ROBO1: variants seen among roughly 807,000 people sequenced by gnomAD.
The protein encoded by ROBO1 is roundabout homolog 1.
In ROBO1, 149 loss-of-function variants were observed where a neutral mutation model predicts 195.9. That is an observed-to-expected ratio of 0.76 (90% confidence interval 0.67 to 0.87). The LOEUF (loss-of-function observed/expected upper bound fraction) is 0.87. Among genes scored for constraint, ROBO1 ranks in the 40% least tolerant of loss-of-function variants. The pLI is 0.00. For missense variants in ROBO1, 1,933 were observed against 2,068.3 expected (o/e 0.93, Z 1.27); for synonymous variants, 816 against 733.2 (o/e 1.11, Z -1.82).
chr3:79,575,432 A>T (rs1167727651), intron 2 of ROBO1, among the ~76,000 whole-genome samples: 5 of 133,264 alleles, frequency 3.8e-5, no homozygotes, highest in Non-Finnish European at 7.8e-5. Context: ...ATATAAATAT[A>T]TATATAACAA....
chr3:79,766,462 T>A (rs945076429), intron 1 of ROBO1, among the ~76,000 whole-genome samples: 1 of 151,620 alleles, frequency 6.6e-6, no homozygotes, highest in East Asian at 2.0e-4. Context: ...ACACAGTGAC[T>A]CCTAGAAGGG....
intron 2 of ROBO1, among the ~76,000 whole-genome samples, chr3:79,381,355 C>CAA (rs61680946): frequency 8.2e-5 from 5 of 60,712 alleles, no homozygotes; most frequent in African/African-American, 1.4e-4. Context: ...AACTCCGTCT[C>CAA]AAAAAAAAAA....
intron 10 of ROBO1, 52 bp downstream of exon 10, chr3:78,685,694 T>C (rs1226111906): frequency 1.5e-6 from 2 of 1,373,334 alleles, no homozygotes; most frequent in Non-Finnish European, 2.0e-6. Context: ...GCACCCTCTC[T>C]GGATCCTAAG....
In ROBO1 at chr3:78,952,002, A is replaced by G. The variant is rs958925135; in HGVS notation, c.173-13075T>C. The stretch of plus-strand genomic sequence containing the variant: ...ATATAATTTTATTCTTTATTCATAT[A>G]TATGATTTTTTTCTATCATGACATT... On this transcript the variant is annotated intron_variant, in intron 3 of 30. Coordinates refer to ENST00000464233, the MANE Select transcript of ROBO1 (RefSeq NM_002941.4). 2.6e-5 allele frequency among the ~76,000 whole-genome samples: 4 copies of G among 151,822 alleles called. No homozygotes were observed. In the East Asian group the frequency reaches 5.8e-4, roughly 22 times the overall value.
At chr3:78,847,378 A>G (rs2033738816) in intron 4 of ROBO1, among the ~76,000 whole-genome samples, 1 of 152,122 alleles carries the variant, frequency 6.6e-6, no homozygotes, top group Non-Finnish European at 1.5e-5. Flanking sequence ...TAACAGCTAT[A>G]CTGCAGAACG....
At chr3:79,405,327 A>G (rs1330452020) in intron 2 of ROBO1, among the ~76,000 whole-genome samples, 1 of 152,178 alleles carries the variant, frequency 6.6e-6, no homozygotes, top group East Asian at 1.9e-4. Flanking sequence ...TGATTGCAAA[A>G]TAAATATTTG....
At chr3:78,961,906 G>A (rs538033614) in intron 3 of ROBO1, among the ~76,000 whole-genome samples, 14 of 151,718 alleles carry the variant, frequency 9.2e-5, no homozygotes, top group Admixed American at 2.6e-4. Flanking sequence ...CACAGTACTT[G>A]GGCTTTTCTT....
chr3:78,761,280 A>T (rs1309377317), intron 4 of ROBO1, among the ~76,000 whole-genome samples: 1 of 151,926 alleles, frequency 6.6e-6, no homozygotes, highest in African/African-American at 2.4e-5. Flanking sequence ...AAATACAAAG[A>T]TGTTTCAGTT....
At chr3:79,215,160 G>A (rs1199292740) in intron 2 of ROBO1, among the ~76,000 whole-genome samples, 1 of 151,868 alleles carries the variant, frequency 6.6e-6, no homozygotes, top group African/African-American at 2.4e-5. Flanking sequence ...AGTAATCCAC[G>A]AGTCTTTCTT....
Position 79,174,691 on chromosome 3 carries a change from G to A in ROBO1, c.89-49152C>T, listed in dbSNP as rs145707781. Among the ~76,000 whole-genome samples, 1,200 of 148,688 alleles carry A rather than the reference G, an allele frequency of 8.1e-3. 17 individuals carry two copies. The highest frequency in any genetic ancestry group is 0.027 in the African/African-American group (1,053 of 38,924). The stretch of plus-strand genomic sequence containing the variant: ...CTATAAGAAACCTTACTGAAACCCC[G>A]TCTCTACTAAAAATACAAAAAAAAA... On this transcript the variant is annotated intron_variant, in intron 2 of 30. Coordinates refer to ENST00000464233, the MANE Select transcript of ROBO1 (RefSeq NM_002941.4).
In ROBO1 at chr3:78,826,763, C is replaced by T. The variant is rs144834460; in HGVS notation, c.500-79863G>A. ...CAGCAGTTTATTATAGTTATCACTT[C>T]GATATATTTGTTTCTTATACAACCT... is the stretch of plus-strand genomic sequence containing the variant. On this transcript the variant is annotated intron_variant, in intron 4 of 30. Coordinates refer to ENST00000464233, the MANE Select transcript of ROBO1 (RefSeq NM_002941.4). 1.5e-4 allele frequency among the ~76,000 whole-genome samples: 23 copies of T among 152,178 alleles called. No individual in the cohort carries two copies. In the East Asian group the frequency reaches 2.7e-3, roughly 18 times the overall value.
intron 3 of ROBO1, among the ~76,000 whole-genome samples, chr3:78,960,734 G>A (rs1003633087): frequency 2.1e-4 from 31 of 151,066 alleles, no homozygotes; most frequent in African/African-American, 5.6e-4. Flanking sequence ...CCGAGATTGC[G>A]CCACTGCTCT....
At chr3:79,077,844 G>A (rs1348046350) in intron 3 of ROBO1, among the ~76,000 whole-genome samples, 2 of 151,818 alleles carry the variant, frequency 1.3e-5, no homozygotes, top group Non-Finnish European at 2.9e-5. Context: ...TTGTTGTCTT[G>A]TGCTATTTAC....
chr3:78,711,390 C>CTTTCTTTCTTT (rs1491298185), intron 8 of ROBO1, among the ~76,000 whole-genome samples: 29 of 35,098 alleles, frequency 8.3e-4, no homozygotes, highest in African/African-American at 2.4e-3. Flanking sequence ...TTCCTTCCTT[C>CTTTCTTTCTTT]CTTCCTTCCT....
chr3:78,785,116 AG>A (rs1164707994), intron 4 of ROBO1, among the ~76,000 whole-genome samples: 1 of 152,202 alleles, frequency 6.6e-6, no homozygotes, highest in African/African-American at 2.4e-5. Flanking sequence ...ATGACTGCCT[AG>A]AAAAAGGAGT....
chr3:78,624,916 A>G (rs914461323), intron 26 of ROBO1, among the ~76,000 whole-genome samples: 21 of 152,126 alleles, frequency 1.4e-4, no homozygotes, highest in Non-Finnish European at 2.4e-4. Context: ...CTGGATGTTG[A>G]TGAGTTTCAG....
At chr3:79,612,966 T>A (rs1297613602) in intron 1 of ROBO1, among the ~76,000 whole-genome samples, 1 of 151,762 alleles carries the variant, frequency 6.6e-6, no homozygotes, top group Non-Finnish European at 1.5e-5. Flanking sequence ...ATAAAAATCA[T>A]GTAGTACTAC....
intron 10 of ROBO1, among the ~76,000 whole-genome samples, chr3:78,675,795 CCTGT>C (rs1201581325): frequency 6.6e-6 from 1 of 152,124 alleles, no homozygotes; most frequent in African/African-American, 2.4e-5. Context: ...CTTAAATGTA[CCTGT>C]CTGACAGCTT....
chr3:79,280,842 T>C (rs2031450161), intron 2 of ROBO1, among the ~76,000 whole-genome samples: 1 of 152,280 alleles, frequency 6.6e-6, no homozygotes, highest in East Asian at 1.9e-4. Context: ...TTTGAGCTCC[T>C]ATGAGAATCT....
Sources: allele counts gnomAD v4.1 joint callset (sites outside exome capture counted in the v4.1 genomes callset), GRCh38; gene constraint gnomAD v4.1.1; transcripts MANE v1.5; gene names NCBI Gene and HGNC (gene_info 2026-07-23, HGNC 2026-07-21).